Variants in ABCC4 observed in about 807,000 individuals in gnomAD.
The protein encoded by ABCC4 is ATP binding cassette subfamily C member 4 (PEL blood group), also known as ATP-binding cassette sub-family C member 4.
ABCC4 carries 102 observed loss-of-function variants against 168.5 expected under a neutral mutation model. The observed-to-expected ratio is 0.61, with a 90% CI of 0.52 to 0.71. The LOEUF is 0.71. Ranked by LOEUF, ABCC4 falls within the 30% of genes least tolerant of loss-of-function variation. The pLI, the probability that ABCC4 is intolerant of heterozygous loss-of-function variation, is 0.00. For synonymous variants in ABCC4, 617 were observed against 590.7 expected, an observed-to-expected ratio of 1.04 and a Z score of -0.65; for missense variants, 1,402 against 1,605.8, an observed-to-expected ratio of 0.87 and a Z score of 2.17.
chr13:95,116,954 G>A (rs906750019), intron 19 of ABCC4, among the ~76,000 whole-genome samples: 1 of 152,158 alleles, frequency 6.6e-6, no homozygotes, highest in Admixed American at 6.5e-5. Context: ...ACTTCGTCCT[G>A]GGGCCTTTAT....
chr13:95,021,960 C>G (rs890334231), intron 30 of ABCC4, among the ~76,000 whole-genome samples: 1 of 152,106 alleles, frequency 6.6e-6, no homozygotes, highest in African/African-American at 2.4e-5. Context: ...AATTGATAAG[C>G]GGAATCATTT....
chr13:95,213,604 C>T (rs115294550), intron 4 of ABCC4, among the ~76,000 whole-genome samples: 83 of 122,160 alleles, frequency 6.8e-4, no homozygotes, highest in African/African-American at 2.5e-3. Context: ...AGATGCCGCC[C>T]GAGGAGAGGA....
intron 3 of ABCC4, among the ~76,000 whole-genome samples, chr13:95,244,549 A>C (rs762627015): frequency 1.4e-5 from 2 of 148,030 alleles, no homozygotes; most frequent in Non-Finnish European, 3.0e-5. Flanking sequence ...CCAGCCTGGC[A>C]ACAGAGTGAG....
intron 19 of ABCC4, among the ~76,000 whole-genome samples, chr13:95,116,298 CCCT>C (rs2035379107): frequency 6.6e-6 from 1 of 152,064 alleles, no homozygotes; most frequent in Non-Finnish European, 1.5e-5. Flanking sequence ...CTAGAATGTT[CCCT>C]CCTTTTAAGA....
At chr13:95,209,288 G>GC (rs2038881257) in intron 6 of ABCC4, 146 bp downstream of exon 6, 2 of 917,538 alleles carry the variant, frequency 2.2e-6, no homozygotes, top group Admixed American at 2.9e-5. Flanking sequence ...AAGGACAGAG[G>GC]CCCCCTTGGC....
intron 19 of ABCC4, among the ~76,000 whole-genome samples, chr13:95,125,774 C>T (rs893239535): frequency 5.3e-5 from 8 of 152,128 alleles, no homozygotes; most frequent in African/African-American, 1.9e-4. Flanking sequence ...GCATGCTTTG[C>T]TACAGCAAGT....
chr13:95,240,491 A>G (rs1256891664), intron 3 of ABCC4, among the ~76,000 whole-genome samples: 1 of 151,798 alleles, frequency 6.6e-6, no homozygotes, highest in Admixed American at 6.6e-5. Context: ...AGATCATGCC[A>G]CTGCACTCCA....
At chr13:95,029,205 TATATATATAGAGAGAG>T (rs1566355469) in intron 30 of ABCC4, among the ~76,000 whole-genome samples, 4 of 53,590 alleles carry the variant, frequency 7.5e-5, no homozygotes, top group African/African-American at 2.8e-4. Context: ...TATATATATA[TATATATATAGAGAGAG>T]AGAGAGAGAG....
chr13:95,292,091 C>A (rs772479683), intron 1 of ABCC4, among the ~76,000 whole-genome samples: 1 of 152,194 alleles, frequency 6.6e-6, no homozygotes, highest in Non-Finnish European at 1.5e-5. Flanking sequence ...GGCACCATGG[C>A]GCATGCCTGT....
chr13:95,140,367 GT>G (rs1302163825), intron 19 of ABCC4, among the ~76,000 whole-genome samples: 4 of 152,164 alleles, frequency 2.6e-5, no homozygotes, highest in African/African-American at 9.7e-5. Context: ...AAAACCTAAA[GT>G]TTTCTCCAGA....
chr13:95,290,234 T>A (rs1389142195), intron 1 of ABCC4, among the ~76,000 whole-genome samples: 1 of 152,198 alleles, frequency 6.6e-6, no homozygotes, highest in Non-Finnish European at 1.5e-5. Flanking sequence ...CATATTTTTA[T>A]GGCTGTCCAG....
At chr13:95,273,595 C>T (rs942902549) in intron 1 of ABCC4, among the ~76,000 whole-genome samples, 1 of 152,168 alleles carries the variant, frequency 6.6e-6, no homozygotes. Flanking sequence ...ACCATGGACC[C>T]TCCTGCTCTG....
chr13:95,117,255 T>TAA (rs5805902), intron 19 of ABCC4, among the ~76,000 whole-genome samples: 5 of 136,020 alleles, frequency 3.7e-5, no homozygotes, highest in Admixed American at 2.2e-4. Context: ...TCATGCCTGT[T>TAA]AAAAAAAAAA....
At chr13:95,273,902 G>GC (rs1230752977) in intron 1 of ABCC4, among the ~76,000 whole-genome samples, 3 of 143,952 alleles carry the variant, frequency 2.1e-5, no homozygotes, top group Non-Finnish European at 3.0e-5. Flanking sequence ...TGCAGGCTCC[G>GC]CCCCCCGGGG....
chr13:95,133,218 A>G (rs1460401712), intron 19 of ABCC4, among the ~76,000 whole-genome samples: 1 of 149,392 alleles, frequency 6.7e-6, no homozygotes, highest in African/African-American at 2.5e-5. Flanking sequence ...GGTTCAAGCA[A>G]TTCTCCCACC....
chr13:95,151,551 G>GAGGAGAAGGAGAAGA (rs2036678297), intron 19 of ABCC4, among the ~76,000 whole-genome samples: 1 of 147,616 alleles, frequency 6.8e-6, no homozygotes, highest in African/African-American at 2.6e-5. Flanking sequence ...AAGGAAGGAG[G>GAGGAGAAGGAGAAGA]AGGAGGAGGA....
intron 1 of ABCC4, among the ~76,000 whole-genome samples, chr13:95,294,798 C>T (rs2041486003): frequency 6.6e-6 from 1 of 151,814 alleles, no homozygotes; most frequent in African/African-American, 2.4e-5. Flanking sequence ...CCTAAAAGTA[C>T]AAAAAATTAG....
intron 8 of ABCC4, among the ~76,000 whole-genome samples, chr13:95,199,139 A>T (rs1293407158): frequency 6.6e-6 from 1 of 152,190 alleles, no homozygotes; most frequent in African/African-American, 2.4e-5. Flanking sequence ...ATTAAAATAG[A>T]AATATAAAAA....
intron 13 of ABCC4, among the ~76,000 whole-genome samples, chr13:95,175,864 G>A (rs1005655107): frequency 1.2e-4 from 19 of 152,178 alleles, no homozygotes; most frequent in African/African-American, 4.6e-4. Flanking sequence ...CCAGCCTGTG[G>A]CATTTTGTGA....
Sources: gnomAD v4.1 joint callset for allele counts (sites outside exome capture counted in the v4.1 genomes callset) on GRCh38, gnomAD v4.1.1 for gene constraint, MANE v1.5 for transcripts, NCBI Gene and HGNC (gene_info 2026-07-23, HGNC 2026-07-21) for gene names.